OGDH: variants seen among roughly 807,000 people sequenced by gnomAD.
OGDH encodes the protein oxoglutarate dehydrogenase, also known as 2-oxoglutarate dehydrogenase complex component E1.
In OGDH, 38 loss-of-function variants were observed where a neutral mutation model predicts 116.6. The ratio of observed to expected loss-of-function variants is 0.33; its 90% CI spans 0.25 to 0.43. OGDH has a LOEUF of 0.43. OGDH is among the 20% of genes least tolerant of loss of function. OGDH has a pLI of 1.00. For synonymous variants in OGDH, 488 were observed against 533.3 expected, an observed-to-expected ratio of 0.92 and a Z score of 1.17; for missense variants, 825 against 1,357.2, an observed-to-expected ratio of 0.61 and a Z score of 6.16.
At chr7:44,632,622 G>GTTA (rs144811047) in intron 2 of OGDH, among the ~76,000 whole-genome samples, 2 of 148,082 alleles carry the variant, frequency 1.4e-5, no homozygotes, top group Admixed American at 1.3e-4. Context: ...TGTTGTTGTT[G>GTTA]TTATTGTTGT....
chr7:44,633,712 G>A (rs3801399), intron 2 of OGDH, among the ~76,000 whole-genome samples: 47,243 of 152,080 alleles, frequency 0.31, 8,664 homozygotes, highest in Non-Finnish European at 0.41. Flanking sequence ...GATGCTTTGT[G>A]TAGCTGGGCT....
At position 44,616,827 on chromosome 7, in the gene OGDH, G is replaced by A. The variant is rs1472565324; in HGVS notation, c.-27-7490G>A. On this transcript the variant is annotated intron_variant, in intron 1 of 22. Transcript: ENST00000222673. ...TATATGCATATATACGTATATATGT[G>A]TATATATACACATATACGTGTATAT... Among the ~76,000 whole-genome samples the A allele has an allele frequency of 2.5e-4, 31 of 124,814 alleles. No individual in the cohort carries two copies. In the South Asian group the frequency reaches 6.3e-3, roughly 25 times the overall value. 81.9% of individuals were successfully genotyped at this position (124,814 alleles called of 152,430 possible).
chr7:44,619,461 T>G (rs1784926396), intron 1 of OGDH, among the ~76,000 whole-genome samples: 2 of 152,180 alleles, frequency 1.3e-5, no homozygotes, highest in South Asian at 2.1e-4. Context: ...CTGTGTTGGT[T>G]GTTGTGTGAG....
intron 2 of OGDH, among the ~76,000 whole-genome samples, chr7:44,625,155 C>T (rs1275922673): frequency 6.6e-6 from 1 of 152,072 alleles, no homozygotes; most frequent in East Asian, 1.9e-4. Context: ...CAGACAGAGT[C>T]CCACTGTTGT....
chr7:44,616,805 ATG>A (rs1491320366), intron 1 of OGDH, among the ~76,000 whole-genome samples: 9,124 of 113,306 alleles, frequency 0.081, 387 homozygotes, highest in East Asian at 0.18. Context: ...GTGTATATAT[ATG>A]CATATATACG....
intron 4 of OGDH, among the ~76,000 whole-genome samples, chr7:44,649,019 A>G (rs1786316390): frequency 6.6e-6 from 1 of 151,928 alleles, no homozygotes; most frequent in African/African-American, 2.4e-5. Flanking sequence ...TGGCACCCCC[A>G]GTCCCATCAC....
rs200113572 is a variant in OGDH, at chr7:44,624,291, G to GTTTTTTT, written c.-27-13_-27-7dup. The GTTTTTTT allele has an allele frequency of 1.1e-4, 80 of 760,316 alleles. 14 individuals carry two copies. The highest frequency in any genetic ancestry group is 2.0e-4 in the Admixed American group (7 of 35,296). 47.1% of individuals were successfully genotyped at this position (760,316 alleles called of 1,614,324 possible). ...CTCATTTTTAAAACCTTTCTTTCTT[G>GTTTTTTT]TTTTTTTTTTTTTTTTTTTGTACAG... On this transcript the variant is annotated intron_variant, in intron 1 of 22. Coordinates refer to ENST00000222673, the MANE Select transcript of OGDH (RefSeq NM_002541.4).
intron 1 of OGDH, among the ~76,000 whole-genome samples, chr7:44,614,670 CTTTA>C (rs775991324): frequency 6.6e-6 from 1 of 151,976 alleles, no homozygotes; most frequent in African/African-American, 2.4e-5. Context: ...TTTGCTGAAA[CTTTA>C]TTTTTCATTT....
intron 2 of OGDH, among the ~76,000 whole-genome samples, chr7:44,644,254 A>C (rs903176366): frequency 6.6e-6 from 1 of 152,238 alleles, no homozygotes; most frequent in East Asian, 1.9e-4. Context: ...TCTTTTTACA[A>C]TGAACTTTTG....
chr7:44,657,657 T>C (rs2115938858), intron 4 of OGDH, among the ~76,000 whole-genome samples: 1 of 152,334 alleles, frequency 6.6e-6, no homozygotes, highest in South Asian at 2.1e-4. Flanking sequence ...TTATTAATTT[T>C]CCTTTTATGG....
In OGDH at chr7:44,701,612, C is replaced by T. The variant is rs1481805817; in HGVS notation, c.2629C>T (p.Pro877Ser). The change falls in exon 20 of 23, where the codon CCA (proline) becomes TCA (serine). Residue 877 changes from proline (P) to serine (S), a missense_variant. This residue lies in a region of OGDH where 212 missense variants were observed against 284.3 expected (regional missense o/e 0.75). Transcript: ENST00000222673. ...EARSSFDEMLPGTHFQRVIPE... is the reference protein window; with the variant it reads ...EARSSFDEMLSGTHFQRVIPE... ...CAGATCCAGCTTTGATGAGATGCTTCCAGGTGGGTGTGAGGGAGATGGGCA... is the reference window on the plus strand; with the variant it reads ...CAGATCCAGCTTTGATGAGATGCTTTCAGGTGGGTGTGAGGGAGATGGGCA... 1.9e-6 allele frequency: 3 copies of T among 1,614,026 alleles called. No homozygotes were observed. Among genetic ancestry groups the T allele is most frequent in the Non-Finnish European group, 2.5e-6 (3 of 1,179,928 alleles).
At chr7:44,684,407 TAAG>T (rs1217848267) in intron 10 of OGDH, among the ~76,000 whole-genome samples, 1 of 152,174 alleles carries the variant, frequency 6.6e-6, no homozygotes. Context: ...ATATGCTCAC[TAAG>T]TAGCAAATAC....
In OGDH at chr7:44,675,909, G is replaced by A. The variant is rs1787672027; in HGVS notation, c.1027-61G>A. 66 of 1,557,984 alleles carry A rather than the reference G, an allele frequency of 4.2e-5. No individual in the cohort carries two copies. The South Asian group carries it at 7.3e-4, about 17-fold the overall frequency. ...AAAAAAAAAATTCCCGTATAAAAGGGCTCTTTTGGAGACTGAGCATCTCCT... is the reference window on the plus strand; with the variant it reads ...AAAAAAAAAATTCCCGTATAAAAGGACTCTTTTGGAGACTGAGCATCTCCT... On this transcript the variant is annotated intron_variant, in intron 8 of 22. Transcript: ENST00000222673.
At chr7:44,698,579 C>T (rs1034401280) in intron 18 of OGDH, among the ~76,000 whole-genome samples, 1 of 152,100 alleles carries the variant, frequency 6.6e-6, no homozygotes, top group African/African-American at 2.4e-5. Flanking sequence ...TGATTCAGGT[C>T]TGGAAGCCCT....
intron 10 of OGDH, among the ~76,000 whole-genome samples, chr7:44,687,428 A>G (rs1788181520): frequency 6.7e-6 from 1 of 150,302 alleles, no homozygotes; most frequent in Non-Finnish European, 1.5e-5. Context: ...TGTTTTTTAA[A>G]TTTTTAGACA....
At chr7:44,656,174 G>A (rs150045369) in intron 4 of OGDH, 12 of 708,326 alleles carry the variant, frequency 1.7e-5, no homozygotes, top group Non-Finnish European at 2.6e-5. Context: ...CCCTTGATGT[G>A]TGTGTGTGTC....
chr7:44,692,641 TATATC>T (rs1321631655), intron 10 of OGDH, among the ~76,000 whole-genome samples: 5 of 152,242 alleles, frequency 3.3e-5, no homozygotes, highest in Non-Finnish European at 7.3e-5. Context: ...GTGTTTGAAA[TATATC>T]ATAAGATAAA....
chr7:44,616,114 G>A (rs908431617), intron 1 of OGDH, among the ~76,000 whole-genome samples: 1 of 151,884 alleles, frequency 6.6e-6, no homozygotes, highest in East Asian at 1.9e-4. Context: ...ACCTTTCACA[G>A]TCTTGTTTTG....
chr7:44,615,227 C>CT (rs1193358057), intron 1 of OGDH, among the ~76,000 whole-genome samples: 2 of 152,202 alleles, frequency 1.3e-5, no homozygotes, highest in African/African-American at 4.8e-5. Context: ...GTTTAAATCT[C>CT]TAAGCAATGC....
Sources: gnomAD v4.1 joint callset for allele counts (sites outside exome capture counted in the v4.1 genomes callset) on GRCh38, gnomAD v4.1.1 for gene constraint, gnomAD v4.1.1 regional missense constraint, MANE v1.5 for transcripts, NCBI Gene and HGNC (gene_info 2026-07-23, HGNC 2026-07-21) for gene names.